WWP1: variants seen among roughly 807,000 people sequenced by gnomAD.
The protein encoded by WWP1 is WW domain containing E3 ubiquitin protein ligase 1, also known as NEDD4-like E3 ubiquitin-protein ligase WWP1.
WWP1 carries 49 observed loss-of-function variants against 130.6 expected under a neutral mutation model. That is an observed-to-expected ratio of 0.38 (90% CI 0.30 to 0.48). The LOEUF (loss-of-function observed/expected upper bound fraction) is 0.48. Ranked by LOEUF, WWP1 falls within the 20% of genes least tolerant of loss-of-function variation. WWP1 has a pLI of 0.99. For missense variants in WWP1, 809 were observed against 1,100.6 expected, an observed-to-expected ratio of 0.74 and a Z score of 3.75; for synonymous variants, 332 against 367.8, an observed-to-expected ratio of 0.90 and a Z score of 1.11.
chr8:86,426,599 C>T (rs1809637682), intron 10 of WWP1, among the ~76,000 whole-genome samples: 1 of 152,128 alleles, frequency 6.6e-6, no homozygotes. Context: ...TGGTTAGACT[C>T]TCACATGAGG....
intron 8 of WWP1, among the ~76,000 whole-genome samples, chr8:86,403,246 G>C (rs10956822): frequency 0.15 from 22,408 of 152,128 alleles, 1,805 homozygotes; most frequent in Non-Finnish European, 0.19. Context: ...TTAGAAACAT[G>C]GAAAGAAGCA....
intron 1 of WWP1, among the ~76,000 whole-genome samples, chr8:86,348,950 C>G (rs987507594): frequency 6.6e-6 from 1 of 152,204 alleles, no homozygotes; most frequent in Admixed American, 6.5e-5. Context: ...CTCCAAGTAG[C>G]CTTTCCAGCA....
intron 1 of WWP1, among the ~76,000 whole-genome samples, chr8:86,344,072 C>A (rs932490554): frequency 6.6e-6 from 1 of 151,834 alleles, no homozygotes; most frequent in Non-Finnish European, 1.5e-5. Context: ...GAAAGTCGTT[C>A]TTTTATTGTG....
chr8:86,362,021 C>CAT (rs1217160102), intron 1 of WWP1, among the ~76,000 whole-genome samples: 21 of 139,328 alleles, frequency 1.5e-4, no homozygotes, highest in Middle Eastern at 7.5e-3. Flanking sequence ...TATATATACA[C>CAT]ATATATATAC....
chr8:86,451,887 C>A (rs956025544), intron 20 of WWP1, among the ~76,000 whole-genome samples: 1 of 152,188 alleles, frequency 6.6e-6, no homozygotes, highest in African/African-American at 2.4e-5. Flanking sequence ...CTTCCCTGCT[C>A]TTACAGCTGC....
chr8:86,385,259 G>A (rs1363682510), intron 5 of WWP1, among the ~76,000 whole-genome samples: 1 of 152,136 alleles, frequency 6.6e-6, no homozygotes, highest in African/African-American at 2.4e-5. Context: ...TTGTGTATAA[G>A]GCTCCAGTGG....
intron 1 of WWP1, among the ~76,000 whole-genome samples, chr8:86,362,188 A>AC (rs1394952164): frequency 9.0e-5 from 12 of 132,998 alleles, no homozygotes; most frequent in African/African-American, 3.0e-4. Context: ...ATATATATAT[A>AC]TATATATATA....
intron 14 of WWP1, among the ~76,000 whole-genome samples, chr8:86,434,633 T>C (rs1810186611): frequency 6.6e-6 from 1 of 152,240 alleles, no homozygotes; most frequent in South Asian, 2.1e-4. Flanking sequence ...ATTTGTACTT[T>C]ACTTATTTAT....
intron 3 of WWP1, 24 bp downstream of exon 3, chr8:86,374,144 T>C (rs1824490610): frequency 6.4e-7 from 1 of 1,569,344 alleles, no homozygotes; most frequent in South Asian, 1.2e-5. Context: ...ATATTTAATA[T>C]GGTGATTCCC....
At chr8:86,415,562 G>A (rs763523419) in intron 9 of WWP1, among the ~76,000 whole-genome samples, 8 of 152,124 alleles carry the variant, frequency 5.3e-5, no homozygotes, top group East Asian at 1.9e-4. Context: ...AGAAAAACAC[G>A]AGTCTTGAAT....
rs368381848 is a variant in WWP1, at chr8:86,441,593, CT to C, written c.1839-1024del. On this transcript the variant is annotated intron_variant, in intron 17 of 24. Coordinates refer to ENST00000517970, the MANE Select transcript of WWP1 (RefSeq NM_007013.4). ...TAAAACACTCGACCTGCAATCCTGC[CT>C]TCTCATGTGGCGTCAGTGGGCTGAA... Among the ~76,000 whole-genome samples, 13 of 147,410 alleles carry C rather than the reference CT, an allele frequency of 8.8e-5. 1 individual carries two copies. The South Asian group carries it at 2.8e-3, about 32-fold the overall frequency.
At chr8:86,445,652 T>C (rs185305366) in intron 18 of WWP1, among the ~76,000 whole-genome samples, 1 of 152,316 alleles carries the variant, frequency 6.6e-6, no homozygotes, top group African/African-American at 2.4e-5. Flanking sequence ...CACAATTTAT[T>C]TTCCTCTGGA....
intron 17 of WWP1, among the ~76,000 whole-genome samples, chr8:86,439,274 C>T (rs941236056): frequency 3.8e-4 from 57 of 149,390 alleles, no homozygotes; most frequent in African/African-American, 1.3e-3. Flanking sequence ...ACCCAGGAGG[C>T]GGAGCTTGCA....
At chr8:86,454,013 AAT>A (rs1013647499) in intron 21 of WWP1, among the ~76,000 whole-genome samples, 3 of 152,122 alleles carry the variant, frequency 2.0e-5, no homozygotes, top group Non-Finnish European at 4.4e-5. Flanking sequence ...TTCATACAGT[AAT>A]ATTCCTATGT....
intron 1 of WWP1, among the ~76,000 whole-genome samples, chr8:86,353,639 C>T (rs532727389): frequency 1.2e-4 from 19 of 152,168 alleles, no homozygotes; most frequent in African/African-American, 4.3e-4. Context: ...ATTATAGGTA[C>T]GTGACACCTG....
intron 3 of WWP1, among the ~76,000 whole-genome samples, chr8:86,376,525 C>T (rs967954854): frequency 2.0e-5 from 3 of 151,646 alleles, no homozygotes; most frequent in Non-Finnish European, 4.4e-5. Flanking sequence ...GCCGAGATGG[C>T]GTCACTGCAT....
intron 1 of WWP1, among the ~76,000 whole-genome samples, chr8:86,362,713 C>T (rs954603213): frequency 2.6e-5 from 4 of 152,006 alleles, no homozygotes; most frequent in African/African-American, 9.7e-5. Context: ...TGTAGGTATA[C>T]CACTTCAGAA....
At chr8:86,384,264 A>G (rs1290717323) in intron 5 of WWP1, among the ~76,000 whole-genome samples, 2 of 152,198 alleles carry the variant, frequency 1.3e-5, no homozygotes, top group South Asian at 4.1e-4. Context: ...GGGGGACACA[A>G]TTCAGCCCCA....
intron 1 of WWP1, among the ~76,000 whole-genome samples, chr8:86,364,530 AAATC>A (rs1823847163): frequency 6.6e-6 from 1 of 152,154 alleles, no homozygotes. Context: ...TGAGAGGAAT[AAATC>A]TTTAAAAATA....
Sources: gnomAD v4.1 joint callset for allele counts (sites outside exome capture counted in the v4.1 genomes callset) on GRCh38, gnomAD v4.1.1 for gene constraint, MANE v1.5 for transcripts, NCBI Gene and HGNC (gene_info 2026-07-23, HGNC 2026-07-21) for gene names.